The following RGS7 variants were observed in gnomAD, a reference collection of about 807,000 sequenced individuals.
RGS7 encodes regulator of G-protein signaling 7.
A neutral mutation model predicts 81.1 loss-of-function variants in RGS7; 27 were observed. The observed-to-expected ratio is 0.33, with a 90% CI of 0.25 to 0.46. RGS7 has a LOEUF of 0.46. Ranked by LOEUF, RGS7 falls within the 20% of genes least tolerant of loss-of-function variation. The pLI, the probability that RGS7 is intolerant of heterozygous loss-of-function variation, is 1.00. For synonymous variants in RGS7, 208 were observed against 207.7 expected (o/e 1.00, Z -0.01); for missense variants, 396 against 607.4 (o/e 0.65, Z 3.66).
At chr1:241,197,048 G>T (rs1159536993) in intron 2 of RGS7, among the ~76,000 whole-genome samples, 1 of 147,358 alleles carries the variant, frequency 6.8e-6, no homozygotes, top group Admixed American at 6.7e-5. Context: ...GAAAATAAAT[G>T]TAAAGTTCTA....
intron 2 of RGS7, among the ~76,000 whole-genome samples, chr1:241,155,509 G>C (rs1189964159): frequency 6.8e-6 from 1 of 147,796 alleles, no homozygotes; most frequent in African/African-American, 2.5e-5. Flanking sequence ...GAAAGGCCAA[G>C]AGATTTGAGA....
intron 2 of RGS7, among the ~76,000 whole-genome samples, chr1:241,139,250 T>C (rs115075780): frequency 0.012 from 1,771 of 151,318 alleles, 44 homozygotes; most frequent in East Asian, 0.058. Flanking sequence ...TCTTTCCTTC[T>C]TTTCTTCCTC....
intron 2 of RGS7, among the ~76,000 whole-genome samples, chr1:241,309,647 T>C (rs566815818): frequency 2.6e-5 from 4 of 152,182 alleles, no homozygotes; most frequent in East Asian, 3.9e-4. Context: ...CTGTGTAAAC[T>C]TGGTAGAATG....
chr1:241,022,575 T>A (rs2059595327), intron 3 of RGS7, among the ~76,000 whole-genome samples: 1 of 152,140 alleles, frequency 6.6e-6, no homozygotes, highest in South Asian at 2.1e-4. Context: ...ATCCAGGAAC[T>A]GACTCAGCGC....
At chr1:240,886,015 G>A (rs188665637) in intron 6 of RGS7, among the ~76,000 whole-genome samples, 173 of 151,970 alleles carry the variant, frequency 1.1e-3, no homozygotes, top group African/African-American at 3.7e-3. Flanking sequence ...TTTGCTTATC[G>A]TATTATTTTT....
chr1:241,324,346 A>C (rs1398651032), intron 2 of RGS7, among the ~76,000 whole-genome samples: 4 of 151,898 alleles, frequency 2.6e-5, no homozygotes, highest in Non-Finnish European at 5.9e-5. Context: ...AAAAAACAAA[A>C]AAAAAAGCAA....
chr1:241,253,783 A>G (rs1003878797), intron 2 of RGS7, among the ~76,000 whole-genome samples: 4 of 152,110 alleles, frequency 2.6e-5, no homozygotes, highest in Non-Finnish European at 4.4e-5. Context: ...GTATTCAACT[A>G]ATGATTTAGA....
chr1:240,927,276 A>G (rs1012049999), intron 6 of RGS7, among the ~76,000 whole-genome samples: 9 of 152,294 alleles, frequency 5.9e-5, no homozygotes, highest in Non-Finnish European at 4.4e-5. Context: ...CATGTTGGCC[A>G]GGATGGTCTT....
intron 2 of RGS7, among the ~76,000 whole-genome samples, chr1:241,210,814 C>T (rs2074200641): frequency 6.6e-6 from 1 of 152,156 alleles, no homozygotes; most frequent in African/African-American, 2.4e-5. Flanking sequence ...TCAGATGACA[C>T]AGGGCGAAGG....
chr1:240,913,641 C>T (rs564251959), intron 6 of RGS7, among the ~76,000 whole-genome samples: 296 of 152,018 alleles, frequency 1.9e-3, no homozygotes, highest in Middle Eastern at 0.01. Flanking sequence ...AAAAAACTTC[C>T]TTTTTATTAA....
intron 2 of RGS7, among the ~76,000 whole-genome samples, chr1:241,233,663 C>T (rs1285958833): frequency 6.6e-6 from 1 of 152,162 alleles, no homozygotes; most frequent in East Asian, 1.9e-4. Flanking sequence ...ATTGACTCCA[C>T]ATTTTGGCTA....
chr1:240,842,977 A>G (rs372563229), intron 9 of RGS7, among the ~76,000 whole-genome samples: 21 of 152,128 alleles, frequency 1.4e-4, no homozygotes, highest in African/African-American at 5.1e-4. Context: ...AGCCTGGCCA[A>G]TATGGTGAAA....
intron 6 of RGS7, among the ~76,000 whole-genome samples, chr1:240,880,486 T>C (rs1014776095): frequency 2.0e-5 from 3 of 152,192 alleles, no homozygotes; most frequent in Non-Finnish European, 4.4e-5. Context: ...ACTGCAGCAA[T>C]CCTTCAAGGC....
chr1:240,800,149 G>A (rs111962527), intron 18 of RGS7, among the ~76,000 whole-genome samples: 213 of 152,222 alleles, frequency 1.4e-3, no homozygotes, highest in Admixed American at 2.7e-3. Context: ...ACTTTCTCCA[G>A]CAAAATCTTG....
At chr1:241,343,356 A>G (rs1018090081) in intron 2 of RGS7, among the ~76,000 whole-genome samples, 3 of 152,188 alleles carry the variant, frequency 2.0e-5, no homozygotes, top group Admixed American at 6.5e-5. Context: ...GAGACTCCAC[A>G]CAGATATTTG....
At chr1:241,223,916 G>T (rs1470725835) in intron 2 of RGS7, among the ~76,000 whole-genome samples, 1 of 151,324 alleles carries the variant, frequency 6.6e-6, no homozygotes, top group East Asian at 1.9e-4. Flanking sequence ...CTGAAATGGT[G>T]GTTCTGCACA....
intron 10 of RGS7, among the ~76,000 whole-genome samples, chr1:240,820,910 T>C (rs16840766): frequency 0.029 from 4,396 of 152,284 alleles, 217 homozygotes; most frequent in African/African-American, 0.1. Context: ...TGTGTTTCTA[T>C]GTGAAATGTA....
At chr1:241,025,096 G>A (rs896379441) in intron 3 of RGS7, among the ~76,000 whole-genome samples, 1 of 152,114 alleles carries the variant, frequency 6.6e-6, no homozygotes, top group African/African-American at 2.4e-5. Context: ...AGCCACCCTT[G>A]GTAGAGAGAC....
chr1:241,189,880 C>A (rs2072464316), intron 2 of RGS7, among the ~76,000 whole-genome samples: 1 of 152,066 alleles, frequency 6.6e-6, no homozygotes, highest in South Asian at 2.1e-4. Context: ...CTTTGGGAGG[C>A]CAAGGCGGGC....
Sources: allele counts gnomAD v4.1 joint callset (sites outside exome capture counted in the v4.1 genomes callset), GRCh38; gene constraint gnomAD v4.1.1; transcripts MANE v1.5; gene names NCBI Gene and HGNC (gene_info 2026-07-23, HGNC 2026-07-21).